The following S100Z variants were observed in gnomAD, a reference collection of about 807,000 sequenced individuals.
S100Z encodes the protein protein S100-Z.
A neutral mutation model predicts 8.5 loss-of-function variants in S100Z; 11 were observed. That is an observed-to-expected ratio of 1.30 (90% CI 0.82 to 2.15). The LOEUF is 2.15. S100Z is among the 30% of genes most tolerant of loss of function. The probability of loss-of-function intolerance (pLI) is 0.00; values close to 1 mark genes in which losing one functional copy is unlikely to be tolerated. For missense variants in S100Z, 126 were observed against 117.9 expected, an observed-to-expected ratio of 1.07 and a Z score of -0.32; for synonymous variants, 34 against 43.8, an observed-to-expected ratio of 0.78 and a Z score of 0.89.
chr5:76,854,942 C>T (rs1449182975), intron 1 of S100Z, among the ~76,000 whole-genome samples: 4 of 152,266 alleles, frequency 2.6e-5, no homozygotes, highest in Admixed American at 6.5e-5. Context: ...TCTTGCATCT[C>T]AGCCATTCCA....
At chr5:76,863,770 C>T (rs763073252) in intron 1 of S100Z, among the ~76,000 whole-genome samples, 2 of 152,108 alleles carry the variant, frequency 1.3e-5, no homozygotes, top group Non-Finnish European at 2.9e-5. Flanking sequence ...GATCTCCTGA[C>T]CTTGTGATCC....
intron 3 of S100Z, among the ~76,000 whole-genome samples, chr5:76,877,189 G>A (rs1027310203): frequency 6.6e-6 from 1 of 152,074 alleles, no homozygotes; most frequent in Non-Finnish European, 1.5e-5. Flanking sequence ...GGTGCTCTAA[G>A]CACTTTCAAA....
At chr5:76,878,458 C>T (rs1194328473) in intron 4 of S100Z, among the ~76,000 whole-genome samples, 1 of 152,172 alleles carries the variant, frequency 6.6e-6, no homozygotes, top group Non-Finnish European at 1.5e-5. Flanking sequence ...CACTATTTCC[C>T]ACTGTTTCCC....
intron 4 of S100Z, among the ~76,000 whole-genome samples, chr5:76,907,269 G>A (rs996339500): frequency 2.6e-5 from 4 of 151,600 alleles, no homozygotes; most frequent in Non-Finnish European, 4.4e-5. Context: ...ATCCTTTCCT[G>A]ATACCATATA....
intron 4 of S100Z, among the ~76,000 whole-genome samples, chr5:76,903,870 G>A (rs374900543): frequency 8.6e-5 from 13 of 151,404 alleles, no homozygotes; most frequent in African/African-American, 2.2e-4. Context: ...GATTACAGGC[G>A]CCCGCCACCA....
At chr5:76,863,730 G>T (rs959189401) in intron 1 of S100Z, among the ~76,000 whole-genome samples, 1 of 151,876 alleles carries the variant, frequency 6.6e-6, no homozygotes, top group Non-Finnish European at 1.5e-5. Flanking sequence ...AGTAGAGACG[G>T]GGTTTCACCG....
intron 4 of S100Z, among the ~76,000 whole-genome samples, chr5:76,906,661 C>G (rs1744431664): frequency 6.6e-6 from 1 of 150,454 alleles, no homozygotes; most frequent in Non-Finnish European, 1.5e-5. Context: ...GAGACAGAGT[C>G]AAGCTCTGTC....
chr5:76,901,268 A>G (rs1230789791), intron 4 of S100Z, among the ~76,000 whole-genome samples: 2 of 152,168 alleles, frequency 1.3e-5, no homozygotes, highest in Admixed American at 6.6e-5. Context: ...GGGCTCTACA[A>G]TCAGCAGGTA....
At chr5:76,874,346 A>G (rs2150638379) in intron 2 of S100Z, among the ~76,000 whole-genome samples, 1 of 152,154 alleles carries the variant, frequency 6.6e-6, no homozygotes, top group South Asian at 2.1e-4. Context: ...CTTCCCCATC[A>G]TCAGCTTCCT....
intron 4 of S100Z, among the ~76,000 whole-genome samples, chr5:76,919,581 T>TC (rs1367613003): frequency 2.8e-5 from 2 of 71,116 alleles, no homozygotes; most frequent in African/African-American, 6.1e-5. Flanking sequence ...TCTCTCTCTC[T>TC]TTCTCTCTCC....
the S100Z span, among the ~76,000 whole-genome samples, chr5:76,934,307 C>T: frequency 6.6e-6 from 1 of 152,126 alleles, no homozygotes. Flanking sequence ...TAACACATTC[C>T]CCAGTTGATT....
chr5:76,889,995 A>C (rs74290956), intron 4 of S100Z, among the ~76,000 whole-genome samples: 5,650 of 152,316 alleles, frequency 0.037, 262 homozygotes, highest in East Asian at 0.12. Flanking sequence ...GAGAAAGCTT[A>C]AACAAAACAA....
In S100Z at chr5:76,875,323, G is replaced by T; in HGVS notation, c.-37G>T. 6.3e-7 allele frequency: 1 copy of T among 1,580,702 alleles called. No individual in the cohort carries two copies. ...AACAAGTGTCTTCTCCCCGGGTTTG[G>T]TGGCCTGCTTCTGGAGTGGTCAGTT... On this transcript the variant is annotated 5_prime_UTR_variant, in exon 3 of 5. Coordinates refer to ENST00000317593, the MANE Select transcript of S100Z (RefSeq NM_130772.4).
intron 1 of S100Z, among the ~76,000 whole-genome samples, chr5:76,862,733 C>T (rs181768551): frequency 5.6e-4 from 85 of 152,026 alleles, no homozygotes; most frequent in African/African-American, 8.7e-4. Flanking sequence ...ACCTGGGAGT[C>T]GGAGGTTGCA....
At chr5:76,936,616 TACACACACACACACAC>T in the S100Z span, among the ~76,000 whole-genome samples, 2,120 of 134,126 alleles carry the variant, frequency 0.016, 63 homozygotes, top group African/African-American at 0.055. Flanking sequence ...TTAAAGTTCC[TACACACACACACACAC>T]ACACACACAC....
intron 1 of S100Z, among the ~76,000 whole-genome samples, chr5:76,850,518 C>T (rs1378685471): frequency 6.6e-6 from 1 of 152,158 alleles, no homozygotes; most frequent in Non-Finnish European, 1.5e-5. Context: ...TGTTCTTGTC[C>T]AGGCCAAAGA....
At chr5:76,881,087 A>T (rs547759251) in intron 4 of S100Z, among the ~76,000 whole-genome samples, 1 of 152,340 alleles carries the variant, frequency 6.6e-6, no homozygotes, top group South Asian at 2.1e-4. Flanking sequence ...GGACTTCATC[A>T]GGGTGAAAGT....
At chr5:76,865,240 C>T (rs78004366) in intron 1 of S100Z, among the ~76,000 whole-genome samples, 15 of 100,624 alleles carry the variant, frequency 1.5e-4, no homozygotes, top group African/African-American at 2.6e-4. Flanking sequence ...TGTCCTAGCT[C>T]TTTTTTTTTT....
At chr5:76,882,067 C>T (rs965157279) in intron 4 of S100Z, among the ~76,000 whole-genome samples, 1 of 152,138 alleles carries the variant, frequency 6.6e-6, no homozygotes, top group Non-Finnish European at 1.5e-5. Flanking sequence ...AGTCCCTTTG[C>T]AAGAGTGAGG....
Sources: gnomAD v4.1 joint callset for allele counts (sites outside exome capture counted in the v4.1 genomes callset) on GRCh38, gnomAD v4.1.1 for gene constraint, MANE v1.5 for transcripts, NCBI Gene and HGNC (gene_info 2026-07-23, HGNC 2026-07-21) for gene names.